NAGA: variants seen among roughly 807,000 people sequenced by gnomAD.
NAGA encodes Acetylgalactosaminidase, alpha-N- (alpha-galactosidase B).
In NAGA, 42 loss-of-function variants were observed where a neutral mutation model predicts 45.6. The ratio of observed to expected loss-of-function variants is 0.92; its 90% CI spans 0.72 to 1.19. The LOEUF (loss-of-function observed/expected upper bound fraction) is 1.19. Ranked by LOEUF, NAGA falls within the 50% of genes most tolerant of loss-of-function variation. NAGA has a pLI of 0.00. For missense variants in NAGA, 493 were observed against 544.8 expected, an observed-to-expected ratio of 0.90 and a Z score of 0.95; for synonymous variants, 176 against 203.1, an observed-to-expected ratio of 0.87 and a Z score of 1.13.
intron 1 of NAGA, among the ~76,000 whole-genome samples, chr22:42,068,976 C>T (rs974357412): frequency 6.6e-6 from 1 of 152,232 alleles, no homozygotes; most frequent in African/African-American, 2.4e-5. Context: ...AATATCACAT[C>T]AGCCAGATGC....
chr22:42,066,944 G>T, intron 4 of NAGA, 140 bp from the exon 5 acceptor site: 1 of 1,366,350 alleles, frequency 7.3e-7, no homozygotes, highest in Non-Finnish European at 1.0e-6. Context: ...AGCCTCAAAT[G>T]CTTCCAGGGT....
intron 1 of NAGA, 65 bp from the exon 2 acceptor site, chr22:42,068,639 A>G (rs892280456): frequency 6.3e-7 from 1 of 1,586,182 alleles, no homozygotes; most frequent in Non-Finnish European, 8.6e-7. Context: ...CCCTCATCCC[A>G]CCCCATCTGT....
chr22:42,065,468 C>G (rs1404054699), intron 6 of NAGA, among the ~76,000 whole-genome samples: 1 of 152,192 alleles, frequency 6.6e-6, no homozygotes, highest in Non-Finnish European at 1.5e-5. Flanking sequence ...ACTACAGACC[C>G]AAGTTCTTGA....
In NAGA at chr22:42,068,579, G is replaced by A. The variant is rs1170409651; in HGVS notation, c.17-5C>T. The A allele has an allele frequency of 3.1e-6, 5 of 1,613,888 alleles. No individual in the cohort carries two copies. In the Admixed American group the frequency reaches 6.7e-5, roughly 22 times the overall value. On this transcript the variant is annotated splice_region_variant and splice_polypyrimidine_tract_variant and intron_variant, in intron 1 of 8. Transcript: ENST00000396398. ...CCACATGTCCCAGCAAGAGCACTAG[G>A]GGGCAAGGGAGGAGGGGATGGTGAC...
At chr22:42,063,290 G>A (rs1410730398) in intron 6 of NAGA, among the ~76,000 whole-genome samples, 3 of 152,172 alleles carry the variant, frequency 2.0e-5, no homozygotes, top group South Asian at 4.1e-4. Flanking sequence ...CAGGTGCGGC[G>A]GCTCATGCTT....
chr22:42,067,895 T>C lies in NAGA; in HGVS notation c.194A>G (p.Asp65Gly). ...TGTGTAGCCCATGTCCCGCCATCCA[T>C]CCTGTGCCATCCGGTCAGCCATCTC... ...FMEMADRMAQDGWRDMGYTYL... is the reference protein window; with the variant it reads ...FMEMADRMAQGGWRDMGYTYL... The change falls in exon 3 of 9, where the codon GAT becomes GGT. Residue 65 changes from aspartate (D) to glycine (G), a missense_variant. Transcript: ENST00000396398. 1 of 1,613,708 alleles carries C rather than the reference T, an allele frequency of 6.2e-7. No individual in the cohort carries two copies. The highest frequency in any genetic ancestry group is 1.3e-5 in the African/African-American group (1 of 75,048).
chr22:42,064,669 A>C lies in NAGA; in HGVS notation c.759+1069T>G, dbSNP rs1926620216. On this transcript the variant is annotated intron_variant, in intron 6 of 8. Coordinates refer to ENST00000396398, the MANE Select transcript of NAGA (RefSeq NM_000262.3). ...CAAAAAATAAATAAATCAATAAAAA[A>C]CAAAAACCCCATGGGGGTGATGGGG... Among the ~76,000 whole-genome samples the C allele has an allele frequency of 1.3e-5, 2 of 152,102 alleles. 1 individual carries two copies. Among genetic ancestry groups the C allele is most frequent in the South Asian group, 4.1e-4 (2 of 4,828 alleles).
chr22:42,067,664 T>TAG, intron 3 of NAGA, 101 bp downstream of exon 3: 3 of 1,051,288 alleles, frequency 2.9e-6, no homozygotes, highest in Admixed American at 4.0e-5. Context: ...TTTCCCCCAC[T>TAG]AGACTGTGAG....
In NAGA at chr22:42,060,405, G is replaced by C; in HGVS notation, c.1110C>G (p.Asp370Glu). The change falls in exon 9 of 9, where the codon GAC becomes GAG. Residue 370 changes from aspartate (D) to glutamate (E), a missense_variant. Physicochemically the swap from Asp to Glu is conservative, Grantham distance 45 (BLOSUM62 2). Coordinates refer to ENST00000396398, the MANE Select transcript of NAGA (RefSeq NM_000262.3). ...FTGSVIYEAQ[D>E]VYSGDIISGL... Reference sequence around the variant, plus strand: ...CACTGATGATGTCACCTGAGTAGACGTCCTGGGCCTGCAGTGGGGAGGGAC... The same window carrying C: ...CACTGATGATGTCACCTGAGTAGACCTCCTGGGCCTGCAGTGGGGAGGGAC... 6.2e-7 allele frequency: 1 copy of C among 1,613,120 alleles called. No individual in the cohort carries two copies. Among genetic ancestry groups the C allele is most frequent in the African/African-American group, 1.3e-5 (1 of 74,980 alleles).
In NAGA at chr22:42,060,780, G is replaced by C. The variant is rs58802487; in HGVS notation, c.1101+144C>G. The C allele has an allele frequency of 1.9e-3, 2,107 of 1,134,554 alleles. 25 individuals carry two copies. In the African/African-American group the frequency reaches 0.029, roughly 16 times the overall value. 70.3% of individuals were successfully genotyped at this position (1,134,554 alleles called of 1,614,324 possible). On this transcript the variant is annotated intron_variant, in intron 8 of 8. Transcript: ENST00000396398. ...AGCACGGCACTGGCTGCAGCTCTCA[G>C]TGCCTGCAGCTCCCCATGGGCACCT...
At position 42,060,089 on chromosome 22, in the gene NAGA, G is replaced by C. The variant is rs867841549; in HGVS notation, c.*190C>G. ...AGGCCACAGGAAAATTGCCCCAAAA[G>C]AAGTTTCCAAGAGGGTTTACGCTTG... On this transcript the variant is annotated 3_prime_UTR_variant, in exon 9 of 9. Coordinates refer to ENST00000396398, the MANE Select transcript of NAGA (RefSeq NM_000262.3). The C allele has an allele frequency of 1.4e-6, 1 of 694,162 alleles. No individual in the cohort carries two copies. The highest frequency in any genetic ancestry group is 4.1e-4 in the Middle Eastern group (1 of 2,430). The allele number at this position is 694,162 out of a possible 1,614,324, so 43.0% of individuals were successfully genotyped here.
rs779465891 is a variant in NAGA at position 42,067,146 on chromosome 22, C to T, written c.469G>A (p.Gly157Ser). 1.9e-6 allele frequency: 3 copies of T among 1,614,028 alleles called. No homozygotes were observed. Among genetic ancestry groups the T allele is most frequent in the East Asian group, 2.2e-5 (1 of 44,890 alleles). ...CGCTCCTCGGGGGTGGAGAAGCAGCCATCCAGCTTGAGCATGTCTACCTTC... is the reference window on the plus strand; with the variant it reads ...CGCTCCTCGGGGGTGGAGAAGCAGCTATCCAGCTTGAGCATGTCTACCTTC... Reference protein sequence around the residue: ...EWKVDMLKLDGCFSTPEERAQ... With the variant: ...EWKVDMLKLDSCFSTPEERAQ... The change falls in exon 4 of 9, where the codon GGC becomes AGC. Residue 157 changes from glycine (G) to serine (S), a missense_variant. By Grantham distance (56) the Gly-to-Ser change is moderately conservative (BLOSUM62 0). Transcript: ENST00000396398.
Position 42,066,742 on chromosome 22 carries a change from A to G in NAGA, c.565T>C (p.Trp189Arg). ...TGRPIAFSCSWPAYEGGLPPR... is the reference protein window; with the variant it reads ...TGRPIAFSCSRPAYEGGLPPR... Reference sequence around the variant, plus strand: ...GGGAGGCCGCCTTCATAGGCTGGCCAGCTGCAGGAGAAGGCGATGGGGCGG... The same window carrying G: ...GGGAGGCCGCCTTCATAGGCTGGCCGGCTGCAGGAGAAGGCGATGGGGCGG... Residue 189 changes from tryptophan (W) to arginine (R), a missense_variant, in exon 5 of 9, where the codon TGG (tryptophan) becomes CGG (arginine). Coordinates refer to ENST00000396398, the MANE Select transcript of NAGA (RefSeq NM_000262.3). The G allele has an allele frequency of 6.2e-7, 1 of 1,606,302 alleles. No homozygotes were observed. The highest frequency in any genetic ancestry group is 8.5e-7 in the Non-Finnish European group (1 of 1,176,872).
chr22:42,063,261 A>AG (rs1035476432), intron 6 of NAGA, among the ~76,000 whole-genome samples: 136 of 152,148 alleles, frequency 8.9e-4, no homozygotes, highest in African/African-American at 3.2e-3. Flanking sequence ...AGTCGGCGGT[A>AG]GGGGGGTGGG....
Position 42,063,032 on chromosome 22 carries a change from C to A in NAGA, c.760-8G>T. ...AAAGTTCCCAATGAGCAGCTGGGGG[C>A]AGAGAAGAGGAGTAGTCAGCTCTCA... On this transcript the variant is annotated splice_region_variant and splice_polypyrimidine_tract_variant and intron_variant, in intron 6 of 8. Transcript: ENST00000396398. 1 of 1,613,614 alleles carries A rather than the reference C, an allele frequency of 6.2e-7. No homozygotes were observed. Among genetic ancestry groups the A allele is most frequent in the Non-Finnish European group, 8.5e-7 (1 of 1,179,830 alleles).
intron 8 of NAGA, 92 bp from the exon 9 acceptor site, chr22:42,060,505 C>G: frequency 1.9e-6 from 3 of 1,575,264 alleles, no homozygotes; most frequent in South Asian, 1.1e-5. Flanking sequence ...TCTGCCTGGA[C>G]TTTGGCCTGT....
At chr22:42,070,122 G>A (rs972058545) in intron 1 of NAGA, among the ~76,000 whole-genome samples, 160 bp downstream of exon 1, 2 of 152,252 alleles carry the variant, frequency 1.3e-5, no homozygotes, top group Non-Finnish European at 2.9e-5. Context: ...AAGGAGAAAT[G>A]ATTCCCGTAT....
In NAGA at chr22:42,058,938, G is replaced by A. The variant is rs1056161353; in HGVS notation, c.*1341C>T. ...CAACTGGGGAAAGGAACTTTCTCTGGTGACCCTATACTTAACCAGTAAAGC... is the reference window on the plus strand; with the variant it reads ...CAACTGGGGAAAGGAACTTTCTCTGATGACCCTATACTTAACCAGTAAAGC... On this transcript the variant is annotated 3_prime_UTR_variant, in exon 9 of 9. Coordinates refer to ENST00000396398, the MANE Select transcript of NAGA (RefSeq NM_000262.3). The A allele has an allele frequency of 2.0e-5, 3 of 152,236 alleles. No homozygotes were observed. Among genetic ancestry groups the A allele is most frequent in the African/African-American group, 7.2e-5 (3 of 41,462 alleles). The allele number at this position is 152,236 out of a possible 1,614,324, so 9.4% of individuals were successfully genotyped here.
intron 6 of NAGA, among the ~76,000 whole-genome samples, chr22:42,064,060 G>A (rs1926566229): frequency 6.6e-6 from 1 of 150,514 alleles, no homozygotes; most frequent in African/African-American, 2.5e-5. Context: ...AAAACAAAAG[G>A]CCAGGCGCGG....
Sources: allele counts gnomAD v4.1 joint callset (sites outside exome capture counted in the v4.1 genomes callset), GRCh38; gene constraint gnomAD v4.1.1; transcripts MANE v1.5; gene names NCBI Gene and HGNC (gene_info 2026-07-23, HGNC 2026-07-21).